The following UBE2M variants were observed in gnomAD, a reference collection of about 807,000 sequenced individuals.
The protein encoded by UBE2M is ubiquitin conjugating enzyme E2 M.
A neutral mutation model predicts 23.5 loss-of-function variants in UBE2M; 2 were observed. The ratio of observed to expected loss-of-function variants is 0.09; its 90% CI spans 0.03 to 0.27. The LOEUF (loss-of-function observed/expected upper bound fraction) is 0.27, where lower values mean the gene tolerates loss of function less well. UBE2M is among the 10% of genes least tolerant of loss of function. The pLI is 1.00. For missense variants in UBE2M, 103 were observed against 232.9 expected, an observed-to-expected ratio of 0.44 and a Z score of 3.63; for synonymous variants, 97 against 95.2, an observed-to-expected ratio of 1.02 and a Z score of -0.11.
At position 58,556,135 on chromosome 19, in the gene UBE2M, C is replaced by T. The variant is rs1478951147; in HGVS notation, c.506G>A (p.Arg169Gln). Reference protein sequence around the residue: ...LFEQNVQRSMRGGYIGSTYFE... With the variant: ...LFEQNVQRSMQGGYIGSTYFE... ...GTAGGTGGAGCCGATGTAGCCACCC[C>T]GCATGGAGCGCTGCACGTTCTGCTC... Residue 169 changes from arginine to glutamine, a missense_variant, in exon 6 of 6, where the codon CGG becomes CAG. Physicochemically the swap from Arg to Gln is conservative, Grantham distance 43 (BLOSUM62 1). Coordinates refer to ENST00000253023, the MANE Select transcript of UBE2M (RefSeq NM_003969.4). This position sits in a 1 kb window ranked among gnomAD's most constrained non-coding sequence, Gnocchi z 4.9. 1 of 1,613,520 alleles carries T rather than the reference C, an allele frequency of 6.2e-7. No homozygotes were observed. Among genetic ancestry groups the T allele is most frequent in the Non-Finnish European group, 8.5e-7 (1 of 1,179,902 alleles).
chr19:58,556,457 G>A lies in UBE2M; in HGVS notation c.348-78C>T. 6.7e-7 allele frequency: 1 copy of A among 1,484,608 alleles called. No homozygotes were observed. Among genetic ancestry groups the A allele is most frequent in the South Asian group, 1.1e-5 (1 of 87,206 alleles). The allele number at this position is 1,484,608 out of a possible 1,614,324, so 92.0% of individuals were successfully genotyped here. On this transcript the variant is annotated intron_variant, in intron 4 of 5. Coordinates refer to ENST00000253023, the MANE Select transcript of UBE2M (RefSeq NM_003969.4). The surrounding 1 kb of genome is among the most constrained non-coding windows in gnomAD (Gnocchi z 4.9). ...GGCCCCTCTGGTGTTGGGCAGGTCA[G>A]ATCCAGGGCATAGGAGAGTGAGCAT...
Position 58,556,249 on chromosome 19 carries a change from G to A in UBE2M, c.412-20C>T, listed in dbSNP as rs374482215. The A allele has an allele frequency of 3.3e-5, 53 of 1,613,842 alleles. No individual in the cohort carries two copies. In the African/African-American group the frequency reaches 6.4e-4, roughly 20 times the overall value. On this transcript the variant is annotated intron_variant, in intron 5 of 5. Coordinates refer to ENST00000253023, the MANE Select transcript of UBE2M (RefSeq NM_003969.4). The surrounding 1 kb of genome is among the most constrained non-coding windows in gnomAD (Gnocchi z 4.9). ...GGGCTCCTGTGGCCAGTACAGGTAG[G>A]GGGGGTCAACAGGCCAGAGGGACAG... is the stretch of plus-strand genomic sequence containing the variant.
In UBE2M at chr19:58,556,616, G is replaced by C; in HGVS notation, c.347+71C>G. ...GTGGGAAGGGACAGAGTCTGATGTA[G>C]TGCCCACAAGACCATGAGGGAGGCC... is the stretch of plus-strand genomic sequence containing the variant. On this transcript the variant is annotated intron_variant, in intron 4 of 5. Transcript: ENST00000253023. The surrounding 1 kb of genome is among the most constrained non-coding windows in gnomAD (Gnocchi z 4.9). The C allele has an allele frequency of 7.6e-7, 1 of 1,319,474 alleles. No individual in the cohort carries two copies. Among genetic ancestry groups the C allele is most frequent in the South Asian group, 1.4e-5 (1 of 69,948 alleles). 81.7% of individuals were successfully genotyped at this position (1,319,474 alleles called of 1,614,324 possible).
At position 58,556,069 on chromosome 19, in the gene UBE2M, G is replaced by T. The variant is rs764820829; in HGVS notation, c.*20C>A. 1 of 1,591,198 alleles carries T rather than the reference G, an allele frequency of 6.3e-7. No individual in the cohort carries two copies. Among genetic ancestry groups the T allele is most frequent in the South Asian group, 1.1e-5 (1 of 90,668 alleles). On this transcript the variant is annotated 3_prime_UTR_variant, in exon 6 of 6. Transcript: ENST00000253023. This position sits in a 1 kb window ranked among gnomAD's most constrained non-coding sequence, Gnocchi z 4.9. ...GATGCCAGGGCTTGTGGCCGTGGCG[G>T]GGGTGGGTATGCGCCAACCCTATTT...
chr19:58,556,417 T>A lies in UBE2M; in HGVS notation c.348-38A>T. On this transcript the variant is annotated intron_variant, in intron 4 of 5. Coordinates refer to ENST00000253023, the MANE Select transcript of UBE2M (RefSeq NM_003969.4). This position sits in a 1 kb window ranked among gnomAD's most constrained non-coding sequence, Gnocchi z 4.9. ...AGCATCAGGGTCAGGGCTTGGTGAG[T>A]GGGAGACTGCCACAGGCCCCTCTGG... 1.2e-6 allele frequency: 2 copies of A among 1,606,042 alleles called. No individual in the cohort carries two copies. The highest frequency in any genetic ancestry group is 4.0e-4 in the Middle Eastern group (2 of 5,030).
Position 58,558,384 on chromosome 19 carries a change from TGCCGCCGCC to T in UBE2M, c.-12_-4del, listed in dbSNP as rs758423838. 1.3e-5 allele frequency: 18 copies of T among 1,401,394 alleles called. No homozygotes were observed. The highest frequency in any genetic ancestry group is 4.4e-5 in the African/African-American group (3 of 67,824). The allele number at this position is 1,401,394 out of a possible 1,614,324, so 86.8% of individuals were successfully genotyped here. ...TTCAGCGAGAACAGCTTGATCATCC[TGCCGCCGCC>T]GCCGCCGCTGCCGCCGCCGCGGGGC... is the stretch of plus-strand genomic sequence containing the variant. On this transcript the variant is annotated 5_prime_UTR_variant, in exon 1 of 6. Transcript: ENST00000253023. The surrounding 1 kb of genome is among the most constrained non-coding windows in gnomAD (Gnocchi z 4.7).
At chr19:58,557,977 C>T (rs1209477436) in intron 1 of UBE2M, among the ~76,000 whole-genome samples, 1 of 152,092 alleles carries the variant, frequency 6.6e-6, no homozygotes, top group Non-Finnish European at 1.5e-5. Context: ...CCCCCAGACT[C>T]TCGAGTCGTC....
In UBE2M at chr19:58,556,391, G is replaced by C. The variant is rs369430347; in HGVS notation, c.348-12C>G. 16 of 1,613,366 alleles carry C rather than the reference G, an allele frequency of 9.9e-6. No individual in the cohort carries two copies. In the African/African-American group the frequency reaches 2.0e-4, roughly 20 times the overall value. On this transcript the variant is annotated splice_polypyrimidine_tract_variant and intron_variant, in intron 4 of 5. Coordinates refer to ENST00000253023, the MANE Select transcript of UBE2M (RefSeq NM_003969.4). The surrounding 1 kb of genome is among the most constrained non-coding windows in gnomAD (Gnocchi z 4.9). Reference sequence around the variant, plus strand: ...GCTTCCAGTCCTCTCTGTGGACAGAGAGCATCAGGGTCAGGGCTTGGTGAG... The same window carrying C: ...GCTTCCAGTCCTCTCTGTGGACAGACAGCATCAGGGTCAGGGCTTGGTGAG...
rs768735393 is a variant in UBE2M at position 58,556,947 on chromosome 19, G to T, written c.205-17C>A. On this transcript the variant is annotated splice_polypyrimidine_tract_variant and intron_variant, in intron 2 of 5. Transcript: ENST00000253023. The surrounding 1 kb of genome is among the most constrained non-coding windows in gnomAD (Gnocchi z 4.9). Reference sequence around the variant, plus strand: ...GTAGAAGCCCTGGGAGGAAAAGGGGGAGAAGAAAATTTTAGGGTTCCATCC... The same window carrying T: ...GTAGAAGCCCTGGGAGGAAAAGGGGTAGAAGAAAATTTTAGGGTTCCATCC... The T allele has an allele frequency of 6.2e-7, 1 of 1,613,938 alleles. No homozygotes were observed. The highest frequency in any genetic ancestry group is 8.5e-7 in the Non-Finnish European group (1 of 1,179,982).
chr19:58,558,324 T>A lies in UBE2M; in HGVS notation c.58A>T (p.Thr20Ser), dbSNP rs758822206. The A allele has an allele frequency of 6.3e-7, 1 of 1,598,664 alleles. No homozygotes were observed. Among genetic ancestry groups the A allele is most frequent in the East Asian group, 2.3e-5 (1 of 42,752 alleles). ...QKKEEESAGG[T>S]KGSSKKASAA... The stretch of plus-strand genomic sequence containing the variant: ...GACGCCTTCTTGCTGCTGCCCTTGG[T>A]GCCGCCCGCCGACTCCTCCTCCTTC... The change falls in exon 1 of 6, where the codon ACC becomes TCC. Residue 20 changes from threonine (T) to serine (S), a missense_variant. Physicochemically the swap from Thr to Ser is moderately conservative, Grantham distance 58. Transcript: ENST00000253023. The surrounding 1 kb of genome is among the most constrained non-coding windows in gnomAD (Gnocchi z 4.7).
In UBE2M at chr19:58,556,878, C is replaced by A; in HGVS notation, c.243+14G>T. The A allele has an allele frequency of 6.2e-7, 1 of 1,614,046 alleles. No homozygotes were observed. On this transcript the variant is annotated intron_variant, in intron 3 of 5. Coordinates refer to ENST00000253023, the MANE Select transcript of UBE2M (RefSeq NM_003969.4). This position sits in a 1 kb window ranked among gnomAD's most constrained non-coding sequence, Gnocchi z 4.9. ...CTCTGTCCAGGGAGCCATCCCTGCCCGCCTGGGACTCACCTTAAAACTGAA... is the reference window on the plus strand; with the variant it reads ...CTCTGTCCAGGGAGCCATCCCTGCCAGCCTGGGACTCACCTTAAAACTGAA...
Position 58,558,092 on chromosome 19 carries a change from AC to A in UBE2M, c.109+180del, listed in dbSNP as rs1212587975. Among the ~76,000 whole-genome samples the A allele has an allele frequency of 1.4e-5, 2 of 143,942 alleles. No homozygotes were observed. The highest frequency in any genetic ancestry group is 2.6e-5 in the African/African-American group (1 of 38,528). 94.4% of individuals were successfully genotyped at this position (143,942 alleles called of 152,430 possible). A position where few individuals can be genotyped will look rare whatever the true frequency, so the allele number is the denominator to read the frequency against. On this transcript the variant is annotated intron_variant, in intron 1 of 5. Coordinates refer to ENST00000253023, the MANE Select transcript of UBE2M (RefSeq NM_003969.4). The surrounding 1 kb of genome is among the most constrained non-coding windows in gnomAD (Gnocchi z 4.7). Reference sequence around the variant, plus strand: ...ACCACATACCGGGCCCCTATCTCTGACCCCCTCCCCGTGACTGCATGATCCC... The same window carrying A: ...ACCACATACCGGGCCCCTATCTCTGACCCCTCCCCGTGACTGCATGATCCC...
Position 58,558,159 on chromosome 19 carries a change from G to A in UBE2M, c.109+114C>T, listed in dbSNP as rs548666910. Reference sequence around the variant, plus strand: ...ACCTCCGACCCCCCCCACGCTCGGGGCCCTTCACCTCTGACCCTCAGCAAC... The same window carrying A: ...ACCTCCGACCCCCCCCACGCTCGGGACCCTTCACCTCTGACCCTCAGCAAC... On this transcript the variant is annotated intron_variant, in intron 1 of 5. Coordinates refer to ENST00000253023, the MANE Select transcript of UBE2M (RefSeq NM_003969.4). The surrounding 1 kb of genome is among the most constrained non-coding windows in gnomAD (Gnocchi z 4.7). The A allele has an allele frequency of 9.5e-6, 8 of 839,224 alleles. No individual in the cohort carries two copies. Among genetic ancestry groups the A allele is most frequent in the Non-Finnish European group, 1.3e-5 (7 of 557,218 alleles). 52.0% of individuals were successfully genotyped at this position (839,224 alleles called of 1,614,324 possible). A position where few individuals can be genotyped will look rare whatever the true frequency, so the allele number is the denominator to read the frequency against.
rs146722735 is a variant in UBE2M at position 58,557,654 on chromosome 19, C to A, written c.110-497G>T. ...CCCCACACTCTCAAGTCCCCAACCC[C>A]CGCCACCCTACCCCACCCCCTCTGA... On this transcript the variant is annotated intron_variant, in intron 1 of 5. Coordinates refer to ENST00000253023, the MANE Select transcript of UBE2M (RefSeq NM_003969.4). 8.9e-3 allele frequency among the ~76,000 whole-genome samples: 1,346 copies of A among 151,652 alleles called. 10 individuals carry two copies. Among genetic ancestry groups the A allele is most frequent in the Non-Finnish European group, 0.014 (961 of 67,878 alleles).
At position 58,558,295 on chromosome 19, in the gene UBE2M, C is replaced by T. The variant is rs753038387; in HGVS notation, c.87G>A (p.Ala29=). 1.9e-6 allele frequency: 3 copies of T among 1,603,828 alleles called. No homozygotes were observed. Among genetic ancestry groups the T allele is most frequent in the Non-Finnish European group, 2.6e-6 (3 of 1,175,846 alleles). Reference sequence around the variant, plus strand: ...TACCCTTCTGGATCCGCAGCTGCGCCGCCGACGCCTTCTTGCTGCTGCCCT... The same window carrying T: ...TACCCTTCTGGATCCGCAGCTGCGCTGCCGACGCCTTCTTGCTGCTGCCCT... ...GTKGSSKKAS[A]AQLRIQKDIN... Residue 29 remains alanine (A), a synonymous_variant, in exon 1 of 6, where the codon GCG becomes GCA. Coordinates refer to ENST00000253023, the MANE Select transcript of UBE2M (RefSeq NM_003969.4). The surrounding 1 kb of genome is among the most constrained non-coding windows in gnomAD (Gnocchi z 4.7).
In UBE2M at chr19:58,558,146, C is replaced by A. The variant is rs1205843581; in HGVS notation, c.109+127G>T. 6.6e-6 allele frequency: 5 copies of A among 754,430 alleles called. No homozygotes were observed. Among genetic ancestry groups the A allele is most frequent in the African/African-American group, 1.9e-5 (1 of 53,266 alleles). The allele number at this position is 754,430 out of a possible 1,614,324, so 46.7% of individuals were successfully genotyped here. ...CCCTCAAGACTTGACCTCCGACCCC[C>A]CCCACGCTCGGGGCCCTTCACCTCT... On this transcript the variant is annotated intron_variant, in intron 1 of 5. Transcript: ENST00000253023. This position sits in a 1 kb window ranked among gnomAD's most constrained non-coding sequence, Gnocchi z 4.7.
chr19:58,555,950 G>C lies in UBE2M; in HGVS notation c.*139C>G. The C allele has an allele frequency of 4.1e-6, 5 of 1,208,918 alleles. No individual in the cohort carries two copies. The highest frequency in any genetic ancestry group is 5.6e-6 in the Non-Finnish European group (5 of 890,010). 74.9% of individuals were successfully genotyped at this position (1,208,918 alleles called of 1,614,324 possible). ...AAAAAAAAAAAATAACTAGGGGCACGTGGCAGGAAGGGGAGGCAAGGCCAA... is the reference window on the plus strand; with the variant it reads ...AAAAAAAAAAAATAACTAGGGGCACCTGGCAGGAAGGGGAGGCAAGGCCAA... On this transcript the variant is annotated 3_prime_UTR_variant, in exon 6 of 6. Transcript: ENST00000253023.
At position 58,557,053 on chromosome 19, in the gene UBE2M, G is replaced by A. The variant is rs1052025084; in HGVS notation, c.204+10C>T. 6.2e-7 allele frequency: 1 copy of A among 1,614,052 alleles called. No individual in the cohort carries two copies. The highest frequency in any genetic ancestry group is 1.3e-5 in the African/African-American group (1 of 75,016). ...TTTGCTCCTGGGAATTCAGCCATAT[G>A]CACCCTCACCTCATCAGGACAGATG... On this transcript the variant is annotated intron_variant, in intron 2 of 5. Coordinates refer to ENST00000253023, the MANE Select transcript of UBE2M (RefSeq NM_003969.4).
chr19:58,556,259 C>T lies in UBE2M; in HGVS notation c.412-30G>A. 3 of 1,613,844 alleles carry T rather than the reference C, an allele frequency of 1.9e-6. No homozygotes were observed. The highest frequency in any genetic ancestry group is 2.5e-6 in the Non-Finnish European group (3 of 1,179,770). Reference sequence around the variant, plus strand: ...GGCCAGTACAGGTAGGGGGGGTCAACAGGCCAGAGGGACAGAAGGCCAATC... The same window carrying T: ...GGCCAGTACAGGTAGGGGGGGTCAATAGGCCAGAGGGACAGAAGGCCAATC... On this transcript the variant is annotated intron_variant, in intron 5 of 5. Transcript: ENST00000253023. This position sits in a 1 kb window ranked among gnomAD's most constrained non-coding sequence, Gnocchi z 4.9.
Sources: allele counts gnomAD v4.1 joint callset (sites outside exome capture counted in the v4.1 genomes callset), GRCh38; gene constraint gnomAD v4.1.1; non-coding constraint Gnocchi (gnomAD v3.1); transcripts MANE v1.5; gene names NCBI Gene and HGNC (gene_info 2026-07-23, HGNC 2026-07-21).